The following SUGCT variants were observed in gnomAD, a reference collection of about 807,000 sequenced individuals.
The protein encoded by SUGCT is succinyl-CoA:glutarate-CoA transferase, also known as succinyl-CoA:glutarate CoA-transferase.
In SUGCT, 41 loss-of-function variants were observed where a neutral mutation model predicts 55.0. The ratio of observed to expected loss-of-function variants is 0.74; its 90% confidence interval spans 0.58 to 0.97. The LOEUF (loss-of-function observed/expected upper bound fraction) is 0.97. Ranked by LOEUF, SUGCT falls within the 50% of genes least tolerant of loss-of-function variation. SUGCT has a pLI of 0.00. For synonymous variants in SUGCT, 187 were observed against 200.4 expected (o/e 0.93, Z 0.56); for missense variants, 568 against 547.8 (o/e 1.04, Z -0.37).
At chr7:40,430,416 T>G (rs1787831275) in intron 9 of SUGCT, among the ~76,000 whole-genome samples, 1 of 152,198 alleles carries the variant, frequency 6.6e-6, no homozygotes, top group Admixed American at 6.5e-5. Flanking sequence ...TCCTGATGAT[T>G]AATGTTTTTG....
chr7:40,943,424 T>TC, the SUGCT span, among the ~76,000 whole-genome samples: 1 of 85,480 alleles, frequency 1.2e-5, no homozygotes, highest in Non-Finnish European at 2.2e-5. Flanking sequence ...ATGCTATCCC[T>TC]CCCCCCTCCC....
chr7:40,345,886 T>G (rs754382512), intron 9 of SUGCT, among the ~76,000 whole-genome samples: 1 of 152,070 alleles, frequency 6.6e-6, no homozygotes, highest in Non-Finnish European at 1.5e-5. Context: ...TATAGGACTT[T>G]TACATCTATT....
At chr7:40,306,335 G>A (rs570937423) in intron 8 of SUGCT, among the ~76,000 whole-genome samples, 9 of 152,190 alleles carry the variant, frequency 5.9e-5, no homozygotes, top group African/African-American at 2.2e-4. Flanking sequence ...ATGTTAGCTC[G>A]AATGCCACTT....
the SUGCT span, among the ~76,000 whole-genome samples, chr7:40,989,451 C>A: frequency 1.3e-5 from 2 of 152,104 alleles, no homozygotes; most frequent in African/African-American, 4.8e-5. Flanking sequence ...CTCAAGAAAC[C>A]ATTTTCTTTG....
chr7:40,249,255 G>A (rs1463520178), intron 7 of SUGCT, among the ~76,000 whole-genome samples: 1 of 143,528 alleles, frequency 7.0e-6, no homozygotes, highest in Non-Finnish European at 1.5e-5. Flanking sequence ...TCTTGCCACT[G>A]CATTCCAGCC....
At chr7:40,428,038 TCTTC>T (rs1455728973) in intron 9 of SUGCT, among the ~76,000 whole-genome samples, 2 of 152,184 alleles carry the variant, frequency 1.3e-5, no homozygotes, top group African/African-American at 4.8e-5. Context: ...GTTCTCTTTA[TCTTC>T]CTTTTGCTCC....
rs190749968 is a variant in SUGCT, at chr7:40,197,066, C to T, written c.484+2006C>T. On this transcript the variant is annotated intron_variant, in intron 6 of 13. Transcript: ENST00000335693. ...GCCAGACTGGTCTTGAACTCCTGACCTCAAGTGATCCACCCACATCAGCCT... is the reference window on the plus strand; with the variant it reads ...GCCAGACTGGTCTTGAACTCCTGACTTCAAGTGATCCACCCACATCAGCCT... 2.6e-4 allele frequency among the ~76,000 whole-genome samples: 40 copies of T among 152,256 alleles called. No homozygotes were observed. In the East Asian group the frequency reaches 6.0e-3, roughly 23 times the overall value.
At chr7:40,150,772 C>G (rs1788523412) in intron 1 of SUGCT, among the ~76,000 whole-genome samples, 2 of 152,228 alleles carry the variant, frequency 1.3e-5, no homozygotes, top group South Asian at 4.1e-4. Context: ...TCAGCCAGCT[C>G]TGCGTGAATT....
chr7:40,660,509 G>A (rs1188120249), intron 12 of SUGCT, among the ~76,000 whole-genome samples: 3 of 152,132 alleles, frequency 2.0e-5, no homozygotes, highest in Admixed American at 6.5e-5. Context: ...TGCCCGCCTC[G>A]GCCTCCCAAA....
intron 8 of SUGCT, among the ~76,000 whole-genome samples, 156 bp downstream of exon 8, chr7:40,274,812 C>T (rs1035240452): frequency 1.1e-4 from 17 of 152,110 alleles, no homozygotes; most frequent in Non-Finnish European, 2.2e-4. Context: ...TGTTTCTTTT[C>T]TTTTTTGAGA....
chr7:40,330,159 C>G (rs1796234448), intron 9 of SUGCT, among the ~76,000 whole-genome samples: 1 of 152,176 alleles, frequency 6.6e-6, no homozygotes, highest in Admixed American at 6.5e-5. Context: ...AAGGCTGTAT[C>G]CTGAAATTAG....
At chr7:40,924,983 A>G in the SUGCT span, among the ~76,000 whole-genome samples, 20 of 152,298 alleles carry the variant, frequency 1.3e-4, no homozygotes, top group South Asian at 3.9e-3. Context: ...TTGTGTTGCT[A>G]TGAAGATTCT....
At chr7:40,397,338 C>G (rs1785789096) in intron 9 of SUGCT, among the ~76,000 whole-genome samples, 1 of 152,208 alleles carries the variant, frequency 6.6e-6, no homozygotes, top group Non-Finnish European at 1.5e-5. Context: ...ATTCACATAT[C>G]CTTCCTGATC....
At chr7:40,212,152 G>A (rs567431222) in intron 6 of SUGCT, among the ~76,000 whole-genome samples, 1 of 151,374 alleles carries the variant, frequency 6.6e-6, no homozygotes, top group African/African-American at 2.4e-5. Context: ...TGGCATGATC[G>A]CGGCTCACTG....
At chr7:40,335,950 A>G (rs1481733067) in intron 9 of SUGCT, among the ~76,000 whole-genome samples, 1 of 152,216 alleles carries the variant, frequency 6.6e-6, no homozygotes, top group Non-Finnish European at 1.5e-5. Context: ...GAGAGTTTGT[A>G]ACATGAAGGG....
intron 13 of SUGCT, among the ~76,000 whole-genome samples, chr7:40,794,721 A>C (rs1554422979): frequency 1.3e-5 from 2 of 151,830 alleles, no homozygotes; most frequent in Non-Finnish European, 2.9e-5. Flanking sequence ...TTTTTTATTT[A>C]TTTTTTATCA....
At chr7:40,494,152 T>G (rs545296060) in intron 11 of SUGCT, among the ~76,000 whole-genome samples, 1 of 152,322 alleles carries the variant, frequency 6.6e-6, no homozygotes, top group East Asian at 1.9e-4. Context: ...AGCCATGGGT[T>G]GTTTGGATAT....
chr7:40,686,746 G>A (rs547592759), intron 12 of SUGCT, among the ~76,000 whole-genome samples: 1 of 152,270 alleles, frequency 6.6e-6, no homozygotes, highest in South Asian at 2.1e-4. Flanking sequence ...GCTCAGTCAG[G>A]GAAGGAGGAT....
chr7:40,308,776 C>G (rs1584640702), intron 8 of SUGCT, among the ~76,000 whole-genome samples: 1 of 152,116 alleles, frequency 6.6e-6, no homozygotes, highest in Non-Finnish European at 1.5e-5. Context: ...TTGGGAGGCC[C>G]AGGCAGGTGG....
Sources: gnomAD v4.1 joint callset for allele counts (sites outside exome capture counted in the v4.1 genomes callset) on GRCh38, gnomAD v4.1.1 for gene constraint, MANE v1.5 for transcripts, NCBI Gene and HGNC (gene_info 2026-07-23, HGNC 2026-07-21) for gene names.